Variants in SH3D19 observed in about 807,000 individuals in gnomAD.
SH3D19 encodes SH3 domain containing 19, also known as SH3 domain-containing protein 19.
SH3D19 carries 58 observed loss-of-function variants against 112.1 expected under a neutral mutation model. The observed-to-expected ratio is 0.52, with a 90% CI of 0.42 to 0.64. The LOEUF (loss-of-function observed/expected upper bound fraction) is 0.64. Ranked by LOEUF, SH3D19 falls within the 30% of genes least tolerant of loss-of-function variation. The pLI, the probability that SH3D19 is intolerant of heterozygous loss-of-function variation, is 0.00. For missense variants in SH3D19, 1,090 were observed against 1,263.4 expected, an observed-to-expected ratio of 0.86 and a Z score of 2.08; for synonymous variants, 391 against 448.5, an observed-to-expected ratio of 0.87 and a Z score of 1.62.
chr4:151,158,290 C>CTTTATTTA (rs561402860), intron 9 of SH3D19, among the ~76,000 whole-genome samples: 1 of 151,832 alleles, frequency 6.6e-6, no homozygotes, highest in African/African-American at 2.4e-5. Flanking sequence ...AGTCTTTATT[C>CTTTATTTA]TTTATTTATT....
intron 2 of SH3D19, among the ~76,000 whole-genome samples, chr4:151,210,791 G>A (rs1233325902): frequency 6.6e-6 from 1 of 152,208 alleles, no homozygotes. Context: ...GACTATTAAT[G>A]ATTTTATTTT....
At chr4:151,212,282 G>A (rs1766090510) in intron 2 of SH3D19, among the ~76,000 whole-genome samples, 1 of 152,146 alleles carries the variant, frequency 6.6e-6, no homozygotes, top group South Asian at 2.1e-4. Flanking sequence ...GCCTCCCTGG[G>A]ACTACAGGCA....
Position 151,148,237 on chromosome 4 carries a change from TCTGTC to T in SH3D19, c.1818-56_1818-52del, listed in dbSNP as rs759911906. The T allele has an allele frequency of 1.5e-5, 22 of 1,510,562 alleles. No individual in the cohort carries two copies. The South Asian group carries it at 2.7e-4, about 18-fold the overall frequency. The allele number at this position is 1,510,562 out of a possible 1,614,324, so 93.6% of individuals were successfully genotyped here. A position where few individuals can be genotyped will look rare whatever the true frequency, so the allele number is the denominator to read the frequency against. On this transcript the variant is annotated intron_variant, in intron 10 of 19. Transcript: ENST00000604030. ...GTCAGTGTTTTGATCAGTATTAAAT[TCTGTC>T]CTGTCCTGTCTTACACACACACACA...
At chr4:151,183,326 T>C (rs1761248492) in intron 3 of SH3D19, among the ~76,000 whole-genome samples, 1 of 152,140 alleles carries the variant, frequency 6.6e-6, no homozygotes, top group Non-Finnish European at 1.5e-5. Flanking sequence ...GTGGTTAAAT[T>C]CTAAATACAA....
At chr4:151,127,540 A>C (rs112548655) in intron 19 of SH3D19, 78 bp downstream of exon 19, 5 of 827,038 alleles carry the variant, frequency 6.0e-6, no homozygotes, top group Non-Finnish European at 9.3e-6. Flanking sequence ...TATTCCACCC[A>C]AATGTTCCAT....
chr4:151,282,368 C>T (rs1431089105), intron 1 of SH3D19: 6 of 1,613,758 alleles, frequency 3.7e-6, no homozygotes, highest in South Asian at 1.1e-5. Context: ...GGCAATTCCA[C>T]CCTTTTGTTG....
rs371712223 is a variant in SH3D19 at position 151,132,360 on chromosome 4, T to C, written c.2713A>G (p.Lys905Glu). The C allele has an allele frequency of 3.1e-6, 5 of 1,613,884 alleles. No homozygotes were observed. In the South Asian group the frequency reaches 3.3e-5, roughly 11 times the overall value. ...GAGTTTGAGCCAGAATCTTCTTTTTTGGTTTTCAGTGGTACCTTTGTGCCT... is the reference window on the plus strand; with the variant it reads ...GAGTTTGAGCCAGAATCTTCTTTTTCGGTTTTCAGTGGTACCTTTGTGCCT... Reference protein sequence around the residue: ...VLSTKVPLKTKKEDSGSNSQV... With the variant: ...VLSTKVPLKTEKEDSGSNSQV... The change falls in exon 17 of 20, where the codon AAA (lysine) becomes GAA (glutamate). Residue 905 changes from lysine (K) to glutamate (E), a missense_variant. Transcript: ENST00000604030.
intron 1 of SH3D19, among the ~76,000 whole-genome samples, chr4:151,251,013 C>T (rs1355569681): frequency 6.6e-6 from 1 of 152,064 alleles, no homozygotes; most frequent in African/African-American, 2.4e-5. Flanking sequence ...TCACCTATCC[C>T]TCCTCCATTC....
intron 1 of SH3D19, chr4:151,291,314 T>C (rs1487584505): frequency 2.9e-5 from 46 of 1,613,860 alleles, no homozygotes; most frequent in Non-Finnish European, 3.7e-5. Flanking sequence ...CCTATTGTCC[T>C]ACTCTCTCTG....
chr4:151,264,212 C>A (rs2149991146), intron 1 of SH3D19, among the ~76,000 whole-genome samples: 1 of 152,046 alleles, frequency 6.6e-6, no homozygotes, highest in African/African-American at 2.4e-5. Flanking sequence ...GGGCAGATCA[C>A]CTGAGGTCAG....
intron 1 of SH3D19, among the ~76,000 whole-genome samples, chr4:151,298,975 T>C (rs1221326211): frequency 1.3e-5 from 2 of 152,232 alleles, no homozygotes; most frequent in Non-Finnish European, 2.9e-5. Context: ...CACATAATCG[T>C]AGTGTTCCTC....
chr4:151,151,275 T>C (rs1259013654), intron 9 of SH3D19, among the ~76,000 whole-genome samples: 1 of 152,120 alleles, frequency 6.6e-6, no homozygotes, highest in Non-Finnish European at 1.5e-5. Flanking sequence ...AATAAATTCT[T>C]CTAATTCTGT....
At chr4:151,290,685 T>G (rs985365749) in intron 1 of SH3D19, among the ~76,000 whole-genome samples, 2 of 152,130 alleles carry the variant, frequency 1.3e-5, no homozygotes, top group Non-Finnish European at 2.9e-5. Context: ...TATATGACAG[T>G]AAAGCTGTTA....
chr4:151,145,022 A>C (rs893542140), intron 11 of SH3D19, among the ~76,000 whole-genome samples: 2 of 152,210 alleles, frequency 1.3e-5, no homozygotes, highest in South Asian at 4.1e-4. Context: ...AAAGATCCAC[A>C]GTGCAAGGAT....
chr4:151,130,805 T>A (rs1208182406), intron 17 of SH3D19, among the ~76,000 whole-genome samples: 2 of 151,900 alleles, frequency 1.3e-5, no homozygotes, highest in Non-Finnish European at 2.9e-5. Context: ...CGAAGCACAG[T>A]GGCAGGCACC....
rs764640047 is a variant in SH3D19 at position 151,283,277 on chromosome 4, T to C, written c.112+41964A>G. ...CTGGTGATACTCAAAACATGAAGGATAGTTGCAAGGTCAGGGTTTGCTCTA... is the reference window on the plus strand; with the variant it reads ...CTGGTGATACTCAAAACATGAAGGACAGTTGCAAGGTCAGGGTTTGCTCTA... On this transcript the variant is annotated intron_variant, in intron 1 of 19. Transcript: ENST00000604030. 10 of 1,613,574 alleles carry C rather than the reference T, an allele frequency of 6.2e-6. No homozygotes were observed. The South Asian group carries it at 1.1e-4, about 18-fold the overall frequency.
At chr4:151,133,855 A>G (rs1351815362) in intron 15 of SH3D19, among the ~76,000 whole-genome samples, 3 of 152,180 alleles carry the variant, frequency 2.0e-5, no homozygotes, top group Non-Finnish European at 2.9e-5. Flanking sequence ...TGACATTTGG[A>G]ACAATCCTTA....
chr4:151,236,278 C>G (rs544095408), intron 1 of SH3D19, among the ~76,000 whole-genome samples: 11 of 152,378 alleles, frequency 7.2e-5, no homozygotes, highest in African/African-American at 2.2e-4. Context: ...GGCTTGCGGG[C>G]TGGCGGGGGT....
Position 151,175,389 on chromosome 4 carries a change from G to T in SH3D19, c.815C>A (p.Ala272Asp). Residue 272 changes from alanine (A) to aspartate (D), a missense_variant, in exon 7 of 20, where the codon GCT becomes GAT. Transcript: ENST00000604030. ...PGRPQSLLDNASTSDSQAVMN... is the reference protein window; with the variant it reads ...PGRPQSLLDNDSTSDSQAVMN... ...CACTGCCTGACTGTCTGAGGTGCTAGCGTTGTCCAGCAGAGACTGGGGCCG... is the reference window on the plus strand; with the variant it reads ...CACTGCCTGACTGTCTGAGGTGCTATCGTTGTCCAGCAGAGACTGGGGCCG... 6.3e-7 allele frequency: 1 copy of T among 1,577,604 alleles called. No individual in the cohort carries two copies. The highest frequency in any genetic ancestry group is 8.6e-7 in the Non-Finnish European group (1 of 1,162,034).
Sources: allele counts gnomAD v4.1 joint callset (sites outside exome capture counted in the v4.1 genomes callset), GRCh38; gene constraint gnomAD v4.1.1; transcripts MANE v1.5; gene names NCBI Gene and HGNC (gene_info 2026-07-23, HGNC 2026-07-21).